The following NSL1 variants were observed in gnomAD, a reference collection of about 807,000 sequenced individuals.
NSL1 encodes the protein NSL1 component of MIS12 kinetochore complex.
A neutral mutation model predicts 25.4 loss-of-function variants in NSL1; 11 were observed. The observed-to-expected ratio is 0.43, with a 90% CI of 0.27 to 0.72. NSL1 has a LOEUF of 0.72. Among genes scored for constraint, NSL1 ranks in the 30% least tolerant of loss-of-function variants. The pLI is 0.19. For missense variants in NSL1, 330 were observed against 342.7 expected, an observed-to-expected ratio of 0.96 and a Z score of 0.29; for synonymous variants, 118 against 120.6, an observed-to-expected ratio of 0.98 and a Z score of 0.14.
Position 212,771,520 on chromosome 1 carries a change from C to G in NSL1, c.499+10852G>C, listed in dbSNP as rs192902964. On this transcript the variant is annotated intron_variant, in intron 4 of 5. Coordinates refer to ENST00000366977, the MANE Select transcript of NSL1 (RefSeq NM_015471.4). ...AGCCAGAGCAATCAGGCAAGAGAAA[C>G]AGAAGGCTTCCAAACTGGAAATGAG... Among the ~76,000 whole-genome samples the G allele has an allele frequency of 2.1e-5, 3 of 143,626 alleles. No individual in the cohort carries two copies. In the Admixed American group the frequency reaches 2.2e-4, roughly 11 times the overall value. 94.2% of individuals were successfully genotyped at this position (143,626 alleles called of 152,430 possible).
rs910764337 is a variant in NSL1 at position 212,760,332 on chromosome 1, C to T, written c.500-20731G>A. Among the ~76,000 whole-genome samples, 6 of 152,132 alleles carry T rather than the reference C, an allele frequency of 3.9e-5. No individual in the cohort carries two copies. The highest frequency in any genetic ancestry group is 5.9e-5 in the Non-Finnish European group (4 of 68,016). Reference sequence around the variant, plus strand: ...ACTCTACCACACCAGTGTCTGAGAGCGCCATCTAGGGGCCCAGGAATAGCC... The same window carrying T: ...ACTCTACCACACCAGTGTCTGAGAGTGCCATCTAGGGGCCCAGGAATAGCC... On this transcript the variant is annotated intron_variant, in intron 4 of 5. Coordinates refer to ENST00000366977, the MANE Select transcript of NSL1 (RefSeq NM_015471.4). This position sits in a 1 kb window ranked among gnomAD's most constrained non-coding sequence, Gnocchi z 4.3.
intron 4 of NSL1, among the ~76,000 whole-genome samples, chr1:212,764,348 G>A (rs1371535909): frequency 6.6e-6 from 1 of 152,046 alleles, no homozygotes; most frequent in Non-Finnish European, 1.5e-5. Flanking sequence ...ACAATTTAAT[G>A]TCACATCACA....
At chr1:212,753,368 T>C (rs971515826) in intron 4 of NSL1, among the ~76,000 whole-genome samples, 1 of 152,244 alleles carries the variant, frequency 6.6e-6, no homozygotes, top group Non-Finnish European at 1.5e-5. Context: ...CTCAAGCTCA[T>C]TCTTGATTTA....
chr1:212,742,783 A>T (rs1301775079), intron 4 of NSL1, among the ~76,000 whole-genome samples: 1 of 152,224 alleles, frequency 6.6e-6, no homozygotes. Context: ...AGAATACTTT[A>T]AACATTTTAA....
At chr1:212,770,499 AAC>A (rs1459547774) in intron 4 of NSL1, among the ~76,000 whole-genome samples, 21 of 152,170 alleles carry the variant, frequency 1.4e-4, no homozygotes, top group Middle Eastern at 6.8e-3. Flanking sequence ...CAAACAAAAA[AAC>A]CAGAAAATCT....
chr1:212,755,175 T>A (rs1433563086), intron 4 of NSL1, among the ~76,000 whole-genome samples: 1 of 151,854 alleles, frequency 6.6e-6, no homozygotes, highest in Non-Finnish European at 1.5e-5. Flanking sequence ...AATAGAGCAA[T>A]ATAAAAATGA....
At chr1:212,791,279 T>G (rs1404433726) in intron 1 of NSL1, among the ~76,000 whole-genome samples, 1 of 152,240 alleles carries the variant, frequency 6.6e-6, no homozygotes, top group Non-Finnish European at 1.5e-5. Flanking sequence ...TTTCTTACTT[T>G]TAGTTTAAAA....
chr1:212,750,605 T>C (rs1659024661), intron 4 of NSL1, among the ~76,000 whole-genome samples: 1 of 152,062 alleles, frequency 6.6e-6, no homozygotes, highest in African/African-American at 2.4e-5. Context: ...CATATTGAGA[T>C]GAATTTTACA....
intron 4 of NSL1, among the ~76,000 whole-genome samples, chr1:212,753,869 A>G (rs1373994114): frequency 1.3e-5 from 2 of 152,238 alleles, no homozygotes; most frequent in Admixed American, 1.3e-4. Context: ...AACTGGGGAG[A>G]GTATTTTAAT....
In NSL1 at chr1:212,753,333, T is replaced by C. The variant is rs1211779724; in HGVS notation, c.500-13732A>G. On this transcript the variant is annotated intron_variant, in intron 4 of 5. Coordinates refer to ENST00000366977, the MANE Select transcript of NSL1 (RefSeq NM_015471.4). ...CTCTATTACTCACTTCACTACAGCC[T>C]CTCTGGTCTTTTGTTCCATGAATAC... is the stretch of plus-strand genomic sequence containing the variant. 3.9e-5 allele frequency among the ~76,000 whole-genome samples: 6 copies of C among 152,348 alleles called. No individual in the cohort carries two copies. In the East Asian group the frequency reaches 5.8e-4, roughly 15 times the overall value.
At chr1:212,772,002 T>C (rs1359591825) in intron 4 of NSL1, among the ~76,000 whole-genome samples, 1 of 152,146 alleles carries the variant, frequency 6.6e-6, no homozygotes, top group Non-Finnish European at 1.5e-5. Context: ...CTTGTAACAG[T>C]GAATAAATTC....
intron 2 of NSL1, among the ~76,000 whole-genome samples, 165 bp from the exon 3 acceptor site, chr1:212,784,658 C>T (rs567588289): frequency 4.6e-5 from 7 of 152,308 alleles, no homozygotes; most frequent in Non-Finnish European, 5.9e-5. Context: ...AATTTATTTA[C>T]GCATTGAACA....
rs556406010 is a variant in NSL1 at position 212,730,473 on chromosome 1, A to G, written c.*7935T>C. 1 of 985,346 alleles carries G rather than the reference A, an allele frequency of 1.0e-6. No individual in the cohort carries two copies. Among genetic ancestry groups the G allele is most frequent in the East Asian group, 1.1e-4 (1 of 8,804 alleles). The allele number at this position is 985,346 out of a possible 1,614,324, so 61.0% of individuals were successfully genotyped here. A position where few individuals can be genotyped will look rare whatever the true frequency, so the allele number is the denominator to read the frequency against. ...GTATGAGCCCAAAGGCACTGGAGCC[A>G]TTCTCTGAGTAAGGCTAGTCAAGGT... On this transcript the variant is annotated 3_prime_UTR_variant, in exon 6 of 6. Coordinates refer to ENST00000366977, the MANE Select transcript of NSL1 (RefSeq NM_015471.4).
chr1:212,779,750 G>A (rs1399284239), intron 4 of NSL1, among the ~76,000 whole-genome samples: 1 of 95,648 alleles, frequency 1.0e-5, no homozygotes, highest in Non-Finnish European at 2.3e-5. Flanking sequence ...TCAGCCCCCC[G>A]CCCAGCCAGC....
At chr1:212,750,172 T>C (rs945600284) in intron 4 of NSL1, among the ~76,000 whole-genome samples, 1 of 151,816 alleles carries the variant, frequency 6.6e-6, no homozygotes, top group Non-Finnish European at 1.5e-5. Context: ...GTAGTCATGA[T>C]GGACCAAGGC....
Position 212,728,423 on chromosome 1 carries a change from TG to T in NSL1, c.*9984del. ...CCAATCTGGGACACTATTACAGTTG[TG>T]GCTTTACTCAATCTCTTCCTTTTCT... On this transcript the variant is annotated 3_prime_UTR_variant, in exon 6 of 6. Coordinates refer to ENST00000366977, the MANE Select transcript of NSL1 (RefSeq NM_015471.4). The T allele has an allele frequency of 1.0e-6, 1 of 985,480 alleles. No individual in the cohort carries two copies. The highest frequency in any genetic ancestry group is 1.2e-6 in the Non-Finnish European group (1 of 829,946). 61.0% of individuals were successfully genotyped at this position (985,480 alleles called of 1,614,324 possible).
At chr1:212,780,043 C>T (rs1289244309) in intron 4 of NSL1, among the ~76,000 whole-genome samples, 5 of 151,376 alleles carry the variant, frequency 3.3e-5, no homozygotes, top group Admixed American at 1.3e-4. Flanking sequence ...ATGACAATGG[C>T]GGTTTTGTGG....
chr1:212,776,757 C>T (rs114836432), intron 4 of NSL1, among the ~76,000 whole-genome samples: 1 of 151,230 alleles, frequency 6.6e-6, no homozygotes, highest in East Asian at 1.9e-4. Context: ...CCAACAACAA[C>T]AAAAACTTCT....
intron 4 of NSL1, among the ~76,000 whole-genome samples, chr1:212,779,899 C>T: frequency 6.7e-6 from 1 of 149,386 alleles, no homozygotes; most frequent in East Asian, 2.0e-4. Context: ...AGCCCCCCGC[C>T]CGAACAGCCA....
Sources: allele counts gnomAD v4.1 joint callset (sites outside exome capture counted in the v4.1 genomes callset), GRCh38; gene constraint gnomAD v4.1.1; non-coding constraint Gnocchi (gnomAD v3.1); transcripts MANE v1.5; gene names NCBI Gene and HGNC (gene_info 2026-07-23, HGNC 2026-07-21).